CUX1: variants seen among roughly 807,000 people sequenced by gnomAD.
CUX1 encodes the protein cut like homeobox 1.
A neutral mutation model predicts 158.8 loss-of-function variants in CUX1; 31 were observed. The observed-to-expected ratio is 0.20, with a 90% CI of 0.15 to 0.26. CUX1 has a LOEUF of 0.26. Ranked by LOEUF, CUX1 falls within the 10% of genes least tolerant of loss-of-function variation. The probability of loss-of-function intolerance (pLI) is 1.00; values close to 1 mark genes in which losing one functional copy is unlikely to be tolerated. For synonymous variants in CUX1, 879 were observed against 862.1 expected, an observed-to-expected ratio of 1.02 and a Z score of -0.34; for missense variants, 1,589 against 2,014.6, an observed-to-expected ratio of 0.79 and a Z score of 4.04.
At chr7:102,259,699 A>G (rs1790233150), downstream of CUX1, among the ~76,000 whole-genome samples, 3 of 150,914 alleles carry the variant, frequency 2.0e-5, no homozygotes, top group African/African-American at 7.3e-5. Flanking sequence ...GTATGCCCCT[A>G]TGTATTTCAT....
chr7:102,253,359 G>C lies in CUX1; in HGVS notation c.*4317G>C, dbSNP rs1244978766. The C allele has an allele frequency of 2.0e-6, 2 of 985,326 alleles. No individual in the cohort carries two copies. Among genetic ancestry groups the C allele is most frequent in the African/African-American group, 3.5e-5 (2 of 57,250 alleles). 61.0% of individuals were successfully genotyped at this position (985,326 alleles called of 1,614,324 possible). A position where few individuals can be genotyped will look rare whatever the true frequency, so the allele number is the denominator to read the frequency against. ...ACAGGCTGCAAAGAGATCGCTGTGG[G>C]CCTCGGCTGACTACTTTAAGATTAT... On this transcript the variant is annotated 3_prime_UTR_variant, in exon 24 of 24. Transcript: ENST00000292535.
At chr7:101,857,814 G>T (rs918205630) in intron 1 of CUX1, among the ~76,000 whole-genome samples, 13 of 152,110 alleles carry the variant, frequency 8.5e-5, no homozygotes, top group African/African-American at 3.1e-4. Flanking sequence ...GTAGAAATCA[G>T]CTTCATCATG....
intron 1 of CUX1, among the ~76,000 whole-genome samples, chr7:101,818,318 C>T (rs1717911939): frequency 6.6e-6 from 1 of 152,002 alleles, no homozygotes; most frequent in African/African-American, 2.4e-5. Context: ...ACTGTAAAAC[C>T]CGTTGTGGAG....
At chr7:102,149,726 C>T (rs1478063727) in intron 8 of CUX1, among the ~76,000 whole-genome samples, 4 of 152,158 alleles carry the variant, frequency 2.6e-5, no homozygotes, top group South Asian at 2.1e-4. Context: ...GTTTGTGCTC[C>T]GATCAGCTTT....
rs78359248 is a variant in CUX1 at position 102,201,025 on chromosome 7, T to TAAAAAAAA, written c.2063-313_2063-306dup. Among the ~76,000 whole-genome samples, 59 of 42,140 alleles carry TAAAAAAAA rather than the reference T, an allele frequency of 1.4e-3. 2 individuals carry two copies. The highest frequency in any genetic ancestry group is 5.6e-3 in the African/African-American group (54 of 9,698). 27.6% of individuals were successfully genotyped at this position (42,140 alleles called of 152,430 possible). On this transcript the variant is annotated intron_variant, in intron 17 of 23. Coordinates refer to ENST00000292535, the MANE Select transcript of CUX1 (RefSeq NM_181552.4). This position sits in a 1 kb window ranked among gnomAD's most constrained non-coding sequence, Gnocchi z 5.0. ...CTGGACAACAGCGAGATCCTGTCGC[T>TAAAAAAAA]AAAAAAAAAAAAAAAAAAAAAAAAA...
chr7:101,916,819 G>A lies in CUX1; in HGVS notation c.141+594G>A, dbSNP rs975579527. Among the ~76,000 whole-genome samples, 4 of 152,082 alleles carry A rather than the reference G, an allele frequency of 2.6e-5. No individual in the cohort carries two copies. The highest frequency in any genetic ancestry group is 2.6e-4 in the Admixed American group (4 of 15,264). On this transcript the variant is annotated intron_variant, in intron 2 of 23. Coordinates refer to ENST00000292535, the MANE Select transcript of CUX1 (RefSeq NM_181552.4). This position sits in a 1 kb window ranked among gnomAD's most constrained non-coding sequence, Gnocchi z 4.4. The stretch of plus-strand genomic sequence containing the variant: ...TTTTTTCTCTCGTGAGTGTGCAATC[G>A]GGGGACAGTGTTGAGTTGCTGGGGT...
At chr7:101,943,327 G>A (rs951551582) in intron 2 of CUX1, among the ~76,000 whole-genome samples, 6 of 151,666 alleles carry the variant, frequency 4.0e-5, no homozygotes, top group Admixed American at 2.0e-4. Flanking sequence ...GGTTGGTCTT[G>A]AACTCCTGAG....
intron 14 of CUX1, among the ~76,000 whole-genome samples, chr7:102,270,258 G>A (rs367779173): frequency 3.3e-5 from 5 of 152,236 alleles, no homozygotes; most frequent in African/African-American, 7.2e-5. Flanking sequence ...TGAGGCAGCC[G>A]GTGGGGGATA....
intron 18 of CUX1, 97 bp downstream of exon 18, chr7:102,202,301 A>C (rs1482468028): frequency 2.0e-6 from 3 of 1,481,980 alleles, no homozygotes; most frequent in Non-Finnish European, 1.8e-6. Context: ...ACCCATTTCA[A>C]TTCACCCAAG....
chr7:102,050,085 G>T (rs755811351), intron 3 of CUX1, among the ~76,000 whole-genome samples: 10 of 152,136 alleles, frequency 6.6e-5, no homozygotes, highest in Non-Finnish European at 1.5e-4. Flanking sequence ...ACCGTCTCCT[G>T]AATTTTCTCC....
intron 1 of CUX1, among the ~76,000 whole-genome samples, chr7:101,842,045 C>G (rs1419574314): frequency 6.6e-6 from 1 of 152,034 alleles, no homozygotes; most frequent in Non-Finnish European, 1.5e-5. Flanking sequence ...TTCTCTTTAA[C>G]CTAAGGGTTA....
intron 3 of CUX1, among the ~76,000 whole-genome samples, chr7:102,062,183 G>A (rs760225940): frequency 1.3e-5 from 2 of 152,206 alleles, no homozygotes; most frequent in Non-Finnish European, 2.9e-5. Context: ...GTGTGGCTAT[G>A]CCTGACATCA....
At chr7:102,219,631 C>T (rs1011302062) in intron 20 of CUX1, among the ~76,000 whole-genome samples, 2 of 152,280 alleles carry the variant, frequency 1.3e-5, no homozygotes, top group Admixed American at 6.5e-5. Context: ...AGTTTGGCCA[C>T]GCTGGGTACG....
At chr7:101,995,556 A>G (rs1815740292) in intron 2 of CUX1, among the ~76,000 whole-genome samples, 1 of 152,252 alleles carries the variant, frequency 6.6e-6, no homozygotes, top group South Asian at 2.1e-4. Context: ...TGGGAAATAA[A>G]TTCTGGTCAC....
intron 8 of CUX1, among the ~76,000 whole-genome samples, chr7:102,141,987 A>G (rs1834519467): frequency 6.6e-6 from 1 of 151,838 alleles, no homozygotes; most frequent in Non-Finnish European, 1.5e-5. Context: ...TAGGGGAGAA[A>G]GTCATTAGAA....
intron 2 of CUX1, among the ~76,000 whole-genome samples, chr7:101,948,787 A>G (rs1211312297): frequency 6.6e-6 from 1 of 152,146 alleles, no homozygotes; most frequent in East Asian, 1.9e-4. Flanking sequence ...CTGAGGAATC[A>G]CCTGCCTGAG....
chr7:102,147,009 T>A (rs1835090412), intron 8 of CUX1, among the ~76,000 whole-genome samples: 1 of 152,186 alleles, frequency 6.6e-6, no homozygotes, highest in African/African-American at 2.4e-5. Context: ...ATCCTGGCCG[T>A]TTAACTGTCT....
intron 15 of CUX1, among the ~76,000 whole-genome samples, chr7:102,197,951 T>C (rs1794969329): frequency 6.6e-6 from 1 of 152,176 alleles, no homozygotes; most frequent in Non-Finnish European, 1.5e-5. Context: ...GTCAGTCACA[T>C]TCATAATTTC....
chr7:102,278,037 T>G, exon 18 of CUX1: 1 of 1,609,068 alleles, frequency 6.2e-7, no homozygotes, highest in Non-Finnish European at 8.5e-7. Context: ...TTTGAGAAGA[T>G]CAAGTTCCTG....
Sources: gnomAD v4.1 joint callset for allele counts (sites outside exome capture counted in the v4.1 genomes callset) on GRCh38, gnomAD v4.1.1 for gene constraint, Gnocchi (gnomAD v3.1) non-coding constraint, MANE v1.5 for transcripts, NCBI Gene and HGNC (gene_info 2026-07-23, HGNC 2026-07-21) for gene names.